The following KIRREL1 variants were observed in gnomAD, a reference collection of about 807,000 sequenced individuals.
The protein encoded by KIRREL1 is kin of IRRE-like protein 1.
A neutral mutation model predicts 83.3 loss-of-function variants in KIRREL1; 25 were observed. The ratio of observed to expected loss-of-function variants is 0.30; its 90% CI spans 0.22 to 0.42. The LOEUF is 0.42. KIRREL1 is among the 10% of genes least tolerant of loss of function. The pLI, the probability that KIRREL1 is intolerant of heterozygous loss-of-function variation, is 1.00. For missense variants in KIRREL1, 812 were observed against 1,032.3 expected, an observed-to-expected ratio of 0.79 and a Z score of 2.92; for synonymous variants, 388 against 410.4, an observed-to-expected ratio of 0.95 and a Z score of 0.66.
chr1:158,089,896 G>C, intron 10 of KIRREL1, 78 bp downstream of exon 10: 1 of 1,291,328 alleles, frequency 7.7e-7, no homozygotes, highest in East Asian at 2.4e-5. Context: ...CACTTCTGCT[G>C]GTTTTGCTCC....
intron 1 of KIRREL1, among the ~76,000 whole-genome samples, chr1:158,045,847 C>G (rs1660766433): frequency 6.6e-6 from 1 of 152,164 alleles, no homozygotes; most frequent in African/African-American, 2.4e-5. Flanking sequence ...TAGCATAAAC[C>G]CCAGTGTGCA....
chr1:158,078,316 A>G (rs1661746315), intron 3 of KIRREL1, among the ~76,000 whole-genome samples, 176 bp downstream of exon 3: 1 of 152,040 alleles, frequency 6.6e-6, no homozygotes, highest in Non-Finnish European at 1.5e-5. Context: ...CATGTGGGAG[A>G]CGTGGGGTGC....
chr1:158,015,537 G>A (rs139766228), intron 1 of KIRREL1, among the ~76,000 whole-genome samples: 3 of 152,190 alleles, frequency 2.0e-5, no homozygotes, highest in Non-Finnish European at 2.9e-5. Flanking sequence ...GAACAGCCCT[G>A]TGAGACTCCT....
Position 158,087,791 on chromosome 1 carries a change from C to T in KIRREL1, c.698C>T (p.Thr233Met), listed in dbSNP as rs763921449. 34 of 1,613,936 alleles carry T rather than the reference C, an allele frequency of 2.1e-5. No individual in the cohort carries two copies. Among genetic ancestry groups the T allele is most frequent in the African/African-American group, 5.3e-5 (4 of 74,916 alleles). ...GTGACCCTGTCCATTGAGCCACAGA[C>T]GGTGCAGGAGGGTGAGCGTGTTGTC... ...PTVTLSIEPQ[T>M]VQEGERVVFT... The change falls in exon 6 of 15, where the codon ACG becomes ATG. Residue 233 changes from threonine (T) to methionine (M), a missense_variant. Thr to Met is a moderately conservative substitution (Grantham distance 81). Transcript: ENST00000359209.
intron 1 of KIRREL1, among the ~76,000 whole-genome samples, chr1:158,072,314 G>A (rs990400545): frequency 6.6e-6 from 1 of 152,038 alleles, no homozygotes; most frequent in Non-Finnish European, 1.5e-5. Flanking sequence ...CTGTGGACTC[G>A]GATTTGCTCA....
At chr1:158,083,894 G>A (rs534146990) in intron 3 of KIRREL1, among the ~76,000 whole-genome samples, 3 of 152,198 alleles carry the variant, frequency 2.0e-5, no homozygotes, top group Admixed American at 6.5e-5. Flanking sequence ...GGGAGGCTGA[G>A]GCAGGTGGAT....
chr1:158,031,219 T>C (rs906397576), intron 1 of KIRREL1: 4 of 152,196 alleles, frequency 2.6e-5, no homozygotes, highest in African/African-American at 9.7e-5. Flanking sequence ...AAGGCTGTAA[T>C]GGGAAACAAA....
intron 3 of KIRREL1, among the ~76,000 whole-genome samples, chr1:158,080,201 C>T (rs1444305495): frequency 1.3e-5 from 2 of 152,110 alleles, no homozygotes; most frequent in Admixed American, 6.5e-5. Flanking sequence ...CTATCTTAGG[C>T]CCTAGAAGGT....
chr1:158,086,218 C>T (rs1441903830), intron 4 of KIRREL1, among the ~76,000 whole-genome samples: 1 of 151,996 alleles, frequency 6.6e-6, no homozygotes, highest in Non-Finnish European at 1.5e-5. Flanking sequence ...GTACTTTCTG[C>T]TCAATTTTTC....
chr1:158,092,575 C>A (rs528728592), intron 11 of KIRREL1, among the ~76,000 whole-genome samples: 3 of 152,174 alleles, frequency 2.0e-5, no homozygotes, highest in African/African-American at 7.2e-5. Flanking sequence ...TCTCGATCTC[C>A]TGACCTCATG....
chr1:158,023,215 C>T (rs1054622635), intron 1 of KIRREL1, among the ~76,000 whole-genome samples: 2 of 152,278 alleles, frequency 1.3e-5, no homozygotes, highest in African/African-American at 4.8e-5. Context: ...AGAGAGCTGG[C>T]CCCCAGTGGA....
chr1:158,097,049 A>T lies in KIRREL1; in HGVS notation c.*1929A>T, dbSNP rs1455565508. The stretch of plus-strand genomic sequence containing the variant: ...GTAGCTCTAATTTTAACTTCACAGG[A>T]AGTCTGTGCATCCTCCTTCATTTCA... On this transcript the variant is annotated 3_prime_UTR_variant, in exon 15 of 15. Transcript: ENST00000359209. The T allele has an allele frequency of 2.2e-6, 1 of 456,686 alleles. No homozygotes were observed. Among genetic ancestry groups the T allele is most frequent in the Non-Finnish European group, 4.4e-6 (1 of 227,022 alleles). The allele number at this position is 456,686 out of a possible 1,614,324, so 28.3% of individuals were successfully genotyped here. A position where few individuals can be genotyped will look rare whatever the true frequency, so the allele number is the denominator to read the frequency against.
intron 1 of KIRREL1, among the ~76,000 whole-genome samples, chr1:158,037,522 C>T (rs1259744972): frequency 4.7e-5 from 7 of 148,408 alleles, no homozygotes; most frequent in African/African-American, 1.2e-4. Context: ...AGGAAGGGGT[C>T]AATCACACCT....
chr1:158,075,231 C>G (rs543050528), intron 1 of KIRREL1, among the ~76,000 whole-genome samples: 2 of 152,312 alleles, frequency 1.3e-5, no homozygotes, highest in South Asian at 4.1e-4. Context: ...CATTTAGGCT[C>G]CACAATTAAA....
In KIRREL1 at chr1:158,094,165, C is replaced by A; in HGVS notation, c.1720-148C>A. 1 of 708,000 alleles carries A rather than the reference C, an allele frequency of 1.4e-6. No homozygotes were observed. Among genetic ancestry groups the A allele is most frequent in the Non-Finnish European group, 2.5e-6 (1 of 393,248 alleles). 43.9% of individuals were successfully genotyped at this position (708,000 alleles called of 1,614,324 possible). ...GGCCTCTTCCCACCACATCCCAGAG[C>A]CTCTGCTGAGAGGACCAGAACTCAA... On this transcript the variant is annotated intron_variant, in intron 13 of 14. Coordinates refer to ENST00000359209, the MANE Select transcript of KIRREL1 (RefSeq NM_018240.7). The surrounding 1 kb of genome is among the most constrained non-coding windows in gnomAD (Gnocchi z 4.6).
At position 158,099,588 on chromosome 1, in the gene KIRREL1, A is replaced by AGGCTGTGACT. The variant is rs1662438795; in HGVS notation, c.*4469_*4470insGCTGTGACTG. The AGGCTGTGACT allele has an allele frequency of 6.6e-6, 1 of 152,198 alleles. No individual in the cohort carries two copies. The highest frequency in any genetic ancestry group is 2.4e-5 in the African/African-American group (1 of 41,432). The allele number at this position is 152,198 out of a possible 1,614,324, so 9.4% of individuals were successfully genotyped here. A position where few individuals can be genotyped will look rare whatever the true frequency, so the allele number is the denominator to read the frequency against. ...GTCCCTGGAGAAATAATTGCTGCGC[A>AGGCTGTGACT]GAAGTCACAGGCCATACTGGGCAGT... On this transcript the variant is annotated 3_prime_UTR_variant, in exon 15 of 15. Transcript: ENST00000359209.
rs1558017066 is a variant in KIRREL1, at chr1:158,088,049, C to T, written c.811C>T (p.Arg271Cys). Residue 271 changes from arginine (R) to cysteine (C), a missense_variant, in exon 7 of 15, where the codon CGC becomes TGC. Physicochemically the swap from Arg to Cys is radical, Grantham distance 180. Coordinates refer to ENST00000359209, the MANE Select transcript of KIRREL1 (RefSeq NM_018240.7). ...CTTGATTGAAGACGCCCACGAGAGT[C>T]GCTATGAGACAAATGTGGATTATTC... ...GFLIEDAHESRYETNVDYSFF... is the reference protein window; with the variant it reads ...GFLIEDAHESCYETNVDYSFF... 3.1e-6 allele frequency: 5 copies of T among 1,614,206 alleles called. No homozygotes were observed. Among genetic ancestry groups the T allele is most frequent in the African/African-American group, 1.3e-5 (1 of 75,034 alleles).
At chr1:158,048,665 A>C (rs1660837712) in intron 1 of KIRREL1, among the ~76,000 whole-genome samples, 1 of 152,224 alleles carries the variant, frequency 6.6e-6, no homozygotes, top group Admixed American at 6.5e-5. Flanking sequence ...TTTTGCACAC[A>C]TACAAAAATA....
chr1:158,077,602 C>T (rs1661720791), intron 2 of KIRREL1, among the ~76,000 whole-genome samples: 1 of 152,204 alleles, frequency 6.6e-6, no homozygotes. Flanking sequence ...CTCCCATGAG[C>T]TCATGTCTGT....
Sources: gnomAD v4.1 joint callset for allele counts (sites outside exome capture counted in the v4.1 genomes callset) on GRCh38, gnomAD v4.1.1 for gene constraint, Gnocchi (gnomAD v3.1) non-coding constraint, MANE v1.5 for transcripts, NCBI Gene and HGNC (gene_info 2026-07-23, HGNC 2026-07-21) for gene names.